Variants in SAMD12 observed in about 807,000 individuals in gnomAD.
SAMD12 encodes the protein sterile alpha motif domain-containing protein 12.
Under a neutral mutation model 15.0 loss-of-function variants are expected in SAMD12, and 9 were observed. That is an observed-to-expected ratio of 0.60 (90% confidence interval 0.36 to 1.05). SAMD12 has a LOEUF of 1.05. Among genes scored for constraint, SAMD12 ranks in the 50% least tolerant of loss-of-function variants. The pLI, the probability that SAMD12 is intolerant of heterozygous loss-of-function variation, is 0.01. For missense variants in SAMD12, 230 were observed against 234.2 expected (o/e 0.98, Z 0.12); for synonymous variants, 86 against 90.1 (o/e 0.96, Z 0.25).
At chr8:118,189,085 G>GTCCCATCTCT (rs995804114), downstream of SAMD12, among the ~76,000 whole-genome samples, 1 of 152,004 alleles carries the variant, frequency 6.6e-6, no homozygotes, top group Non-Finnish European at 1.5e-5. Context: ...AAGATCTGTT[G>GTCCCATCTCT]TCCCATCTCT....
Position 118,456,919 on chromosome 8 carries a change from C to T in SAMD12, c.193-16958G>A, listed in dbSNP as rs140852646. 6.4e-3 allele frequency among the ~76,000 whole-genome samples: 972 copies of T among 152,276 alleles called. 4 individuals carry two copies. Among genetic ancestry groups the T allele is most frequent in the Middle Eastern group, 0.014 (4 of 294 alleles). On this transcript the variant is annotated intron_variant, in intron 2 of 3. Coordinates refer to ENST00000314727, the MANE Select transcript of SAMD12 (RefSeq NM_207506.3). ...GCCTGACTCTGCTCAAATGGCATTC[C>T]ATGGATCTAGGTTTGCAGCTTGGTT...
chr8:118,453,378 A>G (rs1823140897), intron 2 of SAMD12, among the ~76,000 whole-genome samples: 1 of 152,192 alleles, frequency 6.6e-6, no homozygotes, highest in African/African-American at 2.4e-5. Context: ...CCAGTGTCAT[A>G]TCCACTAACA....
intron 2 of SAMD12, among the ~76,000 whole-genome samples, chr8:118,540,334 T>C (rs1026834798): frequency 2.0e-5 from 3 of 152,230 alleles, no homozygotes; most frequent in Non-Finnish European, 2.9e-5. Context: ...TTAATTATAA[T>C]AAAGTGCTAA....
intron 4 of SAMD12, among the ~76,000 whole-genome samples, chr8:118,292,302 CAATAT>C (rs1224287922): frequency 2.9e-5 from 4 of 137,008 alleles, no homozygotes; most frequent in Non-Finnish European, 6.2e-5. Flanking sequence ...AAAAAATAAA[CAATAT>C]AATAATAATA....
At position 118,544,567 on chromosome 8, in the gene SAMD12, C is replaced by T. The variant is rs564604263; in HGVS notation, c.192+36148G>A. Among the ~76,000 whole-genome samples, 13 of 152,274 alleles carry T rather than the reference C, an allele frequency of 8.5e-5. No homozygotes were observed. In the South Asian group the frequency reaches 1.4e-3, roughly 17 times the overall value. ...GTACACGGTTGCTCCAGGGATTTCA[C>T]CCCAGGTCACATTCCTTGAAAATCA... On this transcript the variant is annotated intron_variant, in intron 2 of 3. Transcript: ENST00000314727.
At chr8:118,558,857 G>T (rs923375742) in intron 2 of SAMD12, among the ~76,000 whole-genome samples, 2 of 152,016 alleles carry the variant, frequency 1.3e-5, no homozygotes, top group East Asian at 3.9e-4. Flanking sequence ...GCGCCCGGCC[G>T]ACACTGAGCT....
At chr8:118,219,312 A>T (rs1812033286) in intron 4 of SAMD12, among the ~76,000 whole-genome samples, 2 of 152,224 alleles carry the variant, frequency 1.3e-5, no homozygotes, top group Admixed American at 1.3e-4. Flanking sequence ...TTCCTGGTTT[A>T]TCTCAGTAGA....
intron 4 of SAMD12, among the ~76,000 whole-genome samples, chr8:118,222,322 G>T (rs1208896514): frequency 1.3e-5 from 2 of 152,138 alleles, no homozygotes; most frequent in Middle Eastern, 3.2e-3. Flanking sequence ...ATAGTGGAAA[G>T]AACAAAGCAG....
chr8:118,540,584 C>A (rs574297591), intron 2 of SAMD12, among the ~76,000 whole-genome samples: 2 of 152,134 alleles, frequency 1.3e-5, no homozygotes, highest in South Asian at 4.2e-4. Context: ...CAGGCTGCGT[C>A]TTTTACAGAA....
chr8:118,569,702 A>T (rs1826953244), intron 2 of SAMD12, among the ~76,000 whole-genome samples: 1 of 152,164 alleles, frequency 6.6e-6, no homozygotes, highest in Admixed American at 6.5e-5. Flanking sequence ...AACACAGTGA[A>T]AAGGTGGTCT....
chr8:118,239,685 G>T (rs1484137712), intron 4 of SAMD12, among the ~76,000 whole-genome samples: 1 of 152,088 alleles, frequency 6.6e-6, no homozygotes. Flanking sequence ...CGATATGTGG[G>T]CTAGGATACC....
intron 2 of SAMD12, among the ~76,000 whole-genome samples, chr8:118,575,470 A>G (rs1380966242): frequency 6.6e-6 from 1 of 152,196 alleles, no homozygotes; most frequent in Non-Finnish European, 1.5e-5. Context: ...GATCATTTGT[A>G]TATTTCATGT....
chr8:118,191,756 T>TTCTCTCTCTCTCTCTC (rs1819380190), exon 5 of SAMD12: 1 of 15,350 alleles, frequency 6.5e-5, no homozygotes, highest in African/African-American at 2.1e-4. Flanking sequence ...ATACTGGAGA[T>TTCTCTCTCTCTCTCTC]TATATATATA....
intron 3 of SAMD12, among the ~76,000 whole-genome samples, chr8:118,406,711 A>G (rs1430259302): frequency 6.6e-6 from 1 of 152,202 alleles, no homozygotes. Context: ...GGCCCTGGCA[A>G]CTACCATTAT....
At chr8:118,449,614 A>T (rs1275221679) in intron 2 of SAMD12, among the ~76,000 whole-genome samples, 1 of 151,666 alleles carries the variant, frequency 6.6e-6, no homozygotes, top group East Asian at 2.0e-4. Flanking sequence ...GACTGAGACC[A>T]CAATGAAACC....
At chr8:118,549,687 C>A (rs1397937238) in intron 2 of SAMD12, among the ~76,000 whole-genome samples, 1 of 152,214 alleles carries the variant, frequency 6.6e-6, no homozygotes, top group Admixed American at 6.5e-5. Flanking sequence ...CGGAGAATGA[C>A]TTTGACAAGT....
At chr8:118,470,512 G>A (rs777039681) in intron 2 of SAMD12, among the ~76,000 whole-genome samples, 6 of 152,104 alleles carry the variant, frequency 3.9e-5, no homozygotes, top group East Asian at 1.9e-4. Flanking sequence ...TAGCTGAGTC[G>A]CCCAACCTGC....
intron 4 of SAMD12, among the ~76,000 whole-genome samples, chr8:118,226,219 G>C (rs958434384): frequency 2.7e-4 from 41 of 152,174 alleles, no homozygotes; most frequent in Non-Finnish European, 2.8e-4. Context: ...TAAGTTGCTA[G>C]CAAGAAATCA....
chr8:118,318,487 T>A (rs1305804004), intron 4 of SAMD12, among the ~76,000 whole-genome samples: 1 of 151,728 alleles, frequency 6.6e-6, no homozygotes, highest in African/African-American at 2.4e-5. Context: ...AATACCCATA[T>A]GTTCTCACTT....
Sources: gnomAD v4.1 joint callset for allele counts (sites outside exome capture counted in the v4.1 genomes callset) on GRCh38, gnomAD v4.1.1 for gene constraint, MANE v1.5 for transcripts, NCBI Gene and HGNC (gene_info 2026-07-23, HGNC 2026-07-21) for gene names.